LATS2: variants seen among roughly 807,000 people sequenced by gnomAD.
LATS2 encodes large tumor suppressor kinase 2.
LATS2 carries 24 observed loss-of-function variants against 76.0 expected under a neutral mutation model. The observed-to-expected ratio is 0.32, with a 90% CI of 0.23 to 0.44. The LOEUF (loss-of-function observed/expected upper bound fraction) is 0.44, where lower values mean the gene tolerates loss of function less well. LATS2 is among the 20% of genes least tolerant of loss of function. LATS2 has a pLI of 1.00. For missense variants in LATS2, 1,286 were observed against 1,481.2 expected (o/e 0.87, Z 2.16); for synonymous variants, 692 against 635.4 (o/e 1.09, Z -1.34).
chr13:21,034,148 T>C (rs1872617579), intron 2 of LATS2, among the ~76,000 whole-genome samples: 1 of 152,206 alleles, frequency 6.6e-6, no homozygotes, highest in Non-Finnish European at 1.5e-5. Context: ...CTTTACATTC[T>C]TTCTGGTCAG....
intron 2 of LATS2, among the ~76,000 whole-genome samples, chr13:21,015,248 T>C (rs1008450338): frequency 2.0e-5 from 3 of 152,228 alleles, no homozygotes; most frequent in Non-Finnish European, 4.4e-5. Context: ...AAATCTTTTT[T>C]TCTGAAGGGT....
At position 20,988,487 on chromosome 13, in the gene LATS2, G is replaced by A. The variant is rs116331282; in HGVS notation, c.1293C>T (p.Thr431=). ...KAEPSLPAPN[T]VTAVTAAHIL... ...TGTGCGCGGCCGTGACAGCCGTCAC[G>A]GTGTTGGGGGCGGGCAGGGAGGGCT... The change falls in exon 4 of 8, where the codon ACC becomes ACT. Residue 431 remains threonine, a synonymous_variant. Coordinates refer to ENST00000382592, the MANE Select transcript of LATS2 (RefSeq NM_014572.3). 2,926 of 1,547,948 alleles carry A rather than the reference G, an allele frequency of 1.9e-3. 55 individuals are homozygous for A. The African/African-American group carries it at 0.034, about 18-fold the overall frequency.
At chr13:21,048,888 C>G (rs896881879) in intron 1 of LATS2, among the ~76,000 whole-genome samples, 1 of 151,916 alleles carries the variant, frequency 6.6e-6, no homozygotes, top group Non-Finnish European at 1.5e-5. Context: ...CCTACTGAAT[C>G]TCAGGCACTG....
chr13:21,055,468 G>A (rs925206896), intron 1 of LATS2, among the ~76,000 whole-genome samples: 1 of 152,182 alleles, frequency 6.6e-6, no homozygotes, highest in Non-Finnish European at 1.5e-5. Flanking sequence ...TAAATCCAGA[G>A]CTGAGACAAC....
chr13:21,001,316 A>G (rs531979780), intron 2 of LATS2, among the ~76,000 whole-genome samples: 2 of 152,274 alleles, frequency 1.3e-5, no homozygotes, highest in African/African-American at 4.8e-5. Flanking sequence ...CTATATTTCT[A>G]TTCATGTGTA....
chr13:20,988,025 TCTG>T lies in LATS2; in HGVS notation c.1752_1754del (p.Ser584del), dbSNP rs1159785362. On this transcript the variant is annotated inframe_deletion, in exon 4 of 8. Coordinates refer to ENST00000382592, the MANE Select transcript of LATS2 (RefSeq NM_014572.3). ...TGCGTGACTCTCTCTTCTCTTCGTC[TCTG>T]CTGTTTTTGCGGACGGGAACGGGAG... 6.2e-7 allele frequency: 1 copy of T among 1,614,276 alleles called. No homozygotes were observed. The highest frequency in any genetic ancestry group is 2.2e-5 in the East Asian group (1 of 44,890).
intron 2 of LATS2, among the ~76,000 whole-genome samples, chr13:20,999,563 G>A (rs1030246115): frequency 1.3e-5 from 2 of 151,896 alleles, no homozygotes; most frequent in South Asian, 2.1e-4. Context: ...GGCACTGCCC[G>A]GCTTAAGCAA....
At chr13:21,051,326 T>C (rs1331855733) in intron 1 of LATS2, among the ~76,000 whole-genome samples, 1 of 152,136 alleles carries the variant, frequency 6.6e-6, no homozygotes, top group Non-Finnish European at 1.5e-5. Context: ...TAGCTCAAGA[T>C]GGGAAGGCAG....
At chr13:20,987,238 A>G (rs1024162891) in intron 4 of LATS2, among the ~76,000 whole-genome samples, 4 of 152,132 alleles carry the variant, frequency 2.6e-5, no homozygotes, top group African/African-American at 9.6e-5. Context: ...AAAAACACAA[A>G]TGAAAAGTAT....
At chr13:20,997,115 A>G (rs942964928) in intron 2 of LATS2, among the ~76,000 whole-genome samples, 1 of 152,190 alleles carries the variant, frequency 6.6e-6, no homozygotes, top group Non-Finnish European at 1.5e-5. Context: ...TTTCTGCCTC[A>G]TGGCTAAAAC....
intron 5 of LATS2, 87 bp downstream of exon 5, chr13:20,983,137 G>C (rs1266944804): frequency 1.2e-6 from 1 of 837,520 alleles, no homozygotes; most frequent in Non-Finnish European, 1.9e-6. Flanking sequence ...ATGATTAGGA[G>C]CCACTAGGAT....
At chr13:20,997,686 G>C (rs1472694793) in intron 2 of LATS2, among the ~76,000 whole-genome samples, 3 of 152,186 alleles carry the variant, frequency 2.0e-5, no homozygotes, top group Non-Finnish European at 4.4e-5. Context: ...CTCTTGGCTT[G>C]GTCCCCTTCT....
chr13:21,034,801 C>T (rs1235252162), intron 2 of LATS2, among the ~76,000 whole-genome samples: 1 of 152,010 alleles, frequency 6.6e-6, no homozygotes, highest in Non-Finnish European at 1.5e-5. Flanking sequence ...CCGTTTCCCA[C>T]AGTACAGGAA....
At chr13:21,003,464 A>C (rs1417681160) in intron 2 of LATS2, among the ~76,000 whole-genome samples, 2 of 150,116 alleles carry the variant, frequency 1.3e-5, no homozygotes, top group Non-Finnish European at 3.0e-5. Flanking sequence ...TTTTAAAGAC[A>C]GAGTCTTGCT....
chr13:21,025,347 A>G (rs1872268173), intron 2 of LATS2, among the ~76,000 whole-genome samples: 1 of 149,570 alleles, frequency 6.7e-6, no homozygotes, highest in Non-Finnish European at 1.5e-5. Context: ...AGCCAAGATC[A>G]TGCCACTGCA....
rs1745058608 is a variant in LATS2 at position 21,045,868 on chromosome 13, C to T, written c.159G>A (p.Gly53=). 2 of 1,614,040 alleles carry T rather than the reference C, an allele frequency of 1.2e-6. No homozygotes were observed. Among genetic ancestry groups the T allele is most frequent in the Non-Finnish European group, 1.7e-6 (2 of 1,180,044 alleles). Reference sequence around the variant, plus strand: ...GCTGCTGCCTGGTGGCATCTTTGCTCCCCAGGACTTTGGCATCCAGGGAAG... The same window carrying T: ...GCTGCTGCCTGGTGGCATCTTTGCTTCCCAGGACTTTGGCATCCAGGGAAG... The part of the protein sequence containing the change: ...SDTSLDAKVL[G]SKDATRQQQQ... Residue 53 remains glycine (G), a synonymous_variant, in exon 2 of 8, where the codon GGG becomes GGA. Coordinates refer to ENST00000382592, the MANE Select transcript of LATS2 (RefSeq NM_014572.3).
intron 7 of LATS2, among the ~76,000 whole-genome samples, chr13:20,975,858 A>G (rs1193481907): frequency 6.6e-6 from 1 of 152,046 alleles, no homozygotes; most frequent in Non-Finnish European, 1.5e-5. Flanking sequence ...TGATTTTTGT[A>G]TTTTTAGTAG....
At chr13:21,007,630 A>ATATATATAGTG (rs1565952088) in intron 2 of LATS2, among the ~76,000 whole-genome samples, 14 of 620 alleles carry the variant, frequency 0.023, 5 homozygotes, top group African/African-American at 0.029. Flanking sequence ...TAGTGTATAT[A>ATATATATAGTG]TATATATATA....
At chr13:21,045,347 C>T (rs918521475) in intron 2 of LATS2, among the ~76,000 whole-genome samples, 3 of 151,954 alleles carry the variant, frequency 2.0e-5, no homozygotes, top group Admixed American at 6.6e-5. Flanking sequence ...CTCAGAATAA[C>T]CCGAATAAAC....
Sources: gnomAD v4.1 joint callset for allele counts (sites outside exome capture counted in the v4.1 genomes callset) on GRCh38, gnomAD v4.1.1 for gene constraint, MANE v1.5 for transcripts, NCBI Gene and HGNC (gene_info 2026-07-23, HGNC 2026-07-21) for gene names.